Variants in NEDD9 observed in about 807,000 individuals in gnomAD.
The protein encoded by NEDD9 is enhancer of filamentation 1.
Under a neutral mutation model 76.6 loss-of-function variants are expected in NEDD9, and 26 were observed. The ratio of observed to expected loss-of-function variants is 0.34; its 90% CI spans 0.25 to 0.47. NEDD9 has a LOEUF of 0.47. Among genes scored for constraint, NEDD9 ranks in the 20% least tolerant of loss-of-function variants. The pLI, the probability that NEDD9 is intolerant of heterozygous loss-of-function variation, is 1.00. For missense variants in NEDD9, 937 were observed against 1,058.5 expected, an observed-to-expected ratio of 0.89 and a Z score of 1.59; for synonymous variants, 392 against 414.2, an observed-to-expected ratio of 0.95 and a Z score of 0.65.
chr6:11,189,930 G>T (rs780065792), intron 5 of NEDD9, 34 bp downstream of exon 5: 2 of 1,503,328 alleles, frequency 1.3e-6, no homozygotes, highest in Non-Finnish European at 1.8e-6. Flanking sequence ...GCATGTGAGT[G>T]AGTGTAGGTG....
intron 3 of NEDD9, among the ~76,000 whole-genome samples, chr6:11,246,931 GCTTCAGA>G (rs1488517181): frequency 6.6e-6 from 1 of 152,106 alleles, no homozygotes; most frequent in Admixed American, 6.5e-5. Flanking sequence ...TGGCTCCAGG[GCTTCAGA>G]CGACTGCCCT....
intron 1 of NEDD9, among the ~76,000 whole-genome samples, chr6:11,357,490 C>T (rs1010930750): frequency 1.7e-4 from 26 of 152,196 alleles, no homozygotes; most frequent in Admixed American, 1.3e-4. Flanking sequence ...GAGAAAGCCA[C>T]TGACCATTAT....
intron 1 of NEDD9, among the ~76,000 whole-genome samples, chr6:11,372,642 C>T (rs1455094314): frequency 2.0e-5 from 3 of 152,208 alleles, no homozygotes; most frequent in Non-Finnish European, 4.4e-5. Context: ...CTTTTCTTCA[C>T]ATCCTCAGTA....
At chr6:11,306,494 G>A (rs1396813142) in intron 2 of NEDD9, among the ~76,000 whole-genome samples, 2 of 152,198 alleles carry the variant, frequency 1.3e-5, no homozygotes, top group African/African-American at 2.4e-5. Context: ...TCAATCTTGG[G>A]TGGAGTCTTG....
chr6:11,204,786 A>T (rs1473385716), intron 2 of NEDD9, among the ~76,000 whole-genome samples: 1 of 151,768 alleles, frequency 6.6e-6, no homozygotes, highest in African/African-American at 2.4e-5. Context: ...TCTGTGTGGC[A>T]GAGAAAGCCA....
chr6:11,213,227 G>A lies in NEDD9; in HGVS notation c.459+54C>T. 6.7e-7 allele frequency: 1 copy of A among 1,487,418 alleles called. No homozygotes were observed. The highest frequency in any genetic ancestry group is 9.1e-7 in the Non-Finnish European group (1 of 1,100,120). The allele number at this position is 1,487,418 out of a possible 1,614,324, so 92.1% of individuals were successfully genotyped here. Reference sequence around the variant, plus strand: ...GGGAACATTTCCAAATGCTCCAAGTGTAATGGGAAAAAAAAATAAGTAGGA... The same window carrying A: ...GGGAACATTTCCAAATGCTCCAAGTATAATGGGAAAAAAAAATAAGTAGGA... On this transcript the variant is annotated intron_variant, in intron 2 of 6. Coordinates refer to ENST00000379446, the MANE Select transcript of NEDD9 (RefSeq NM_006403.4). The surrounding 1 kb of genome is among the most constrained non-coding windows in gnomAD (Gnocchi z 5.4).
chr6:11,204,778 T>C (rs10947019), intron 2 of NEDD9, among the ~76,000 whole-genome samples: 30,303 of 150,046 alleles, frequency 0.2, 3,386 homozygotes, highest in African/African-American at 0.25. Context: ...AAGACTTTTC[T>C]GTGTGGCAGA....
chr6:11,292,241 G>A (rs1256906265), intron 3 of NEDD9, among the ~76,000 whole-genome samples: 1 of 152,152 alleles, frequency 6.6e-6, no homozygotes, highest in African/African-American at 2.4e-5. Context: ...CACATGACCC[G>A]GTGTTAAATC....
At chr6:11,260,297 T>C (rs1442941240) in intron 3 of NEDD9, among the ~76,000 whole-genome samples, 1 of 152,134 alleles carries the variant, frequency 6.6e-6, no homozygotes, top group Non-Finnish European at 1.5e-5. Flanking sequence ...CACCAAAGAT[T>C]TCCTGTGATT....
intron 3 of NEDD9, among the ~76,000 whole-genome samples, chr6:11,247,324 C>T (rs1235171075): frequency 2.0e-5 from 3 of 152,182 alleles, no homozygotes; most frequent in Non-Finnish European, 4.4e-5. Flanking sequence ...ACACGGAGTC[C>T]TGGTGCCATT....
intron 1 of NEDD9, among the ~76,000 whole-genome samples, chr6:11,362,414 C>A (rs1762694629): frequency 6.6e-6 from 1 of 152,160 alleles, no homozygotes; most frequent in South Asian, 2.1e-4. Context: ...GTGTGTTCTG[C>A]CTCTTGCTTT....
intron 1 of NEDD9, among the ~76,000 whole-genome samples, chr6:11,341,794 AC>A (rs1762278356): frequency 1.3e-5 from 2 of 152,336 alleles, no homozygotes; most frequent in South Asian, 4.1e-4. Flanking sequence ...ATAAAAACCA[AC>A]AAAAACCATA....
chr6:11,231,662 T>C (rs1759470934), intron 1 of NEDD9, among the ~76,000 whole-genome samples: 1 of 152,192 alleles, frequency 6.6e-6, no homozygotes, highest in Non-Finnish European at 1.5e-5. Flanking sequence ...GCTTTCTTTG[T>C]GTCCCCTGGA....
intron 1 of NEDD9, among the ~76,000 whole-genome samples, chr6:11,227,948 C>G (rs1759353178): frequency 6.6e-6 from 1 of 151,870 alleles, no homozygotes; most frequent in South Asian, 2.1e-4. Flanking sequence ...CATGTAAACG[C>G]AAACAGAGAG....
intron 3 of NEDD9, chr6:11,305,468 C>T (rs777647788): frequency 4.8e-6 from 1 of 209,446 alleles, no homozygotes; most frequent in African/African-American, 2.3e-5. Flanking sequence ...ATCATTTCTT[C>T]TACTGAATTT....
chr6:11,191,085 C>G lies in NEDD9; in HGVS notation c.784G>C (p.Asp262His). ...RPDLRPEGVYDIPPTCTKPAG... is the reference protein window; with the variant it reads ...RPDLRPEGVYHIPPTCTKPAG... ...GGCTTGGTGCAGGTTGGAGGAATGT[C>G]ATAAACCCCCTCCGGTCTGAGGTCC... The change falls in exon 5 of 7, where the codon GAC (aspartate) becomes CAC (histidine). Residue 262 changes from aspartate to histidine, a missense_variant. By Grantham distance (81) the Asp-to-His change is moderately conservative. Coordinates refer to ENST00000379446, the MANE Select transcript of NEDD9 (RefSeq NM_006403.4). 6.2e-7 allele frequency: 1 copy of G among 1,613,956 alleles called. No individual in the cohort carries two copies. Among genetic ancestry groups the G allele is most frequent in the Non-Finnish European group, 8.5e-7 (1 of 1,180,004 alleles).
chr6:11,349,194 A>C (rs956006549), intron 1 of NEDD9, among the ~76,000 whole-genome samples: 13 of 152,222 alleles, frequency 8.5e-5, no homozygotes, highest in African/African-American at 3.1e-4. Flanking sequence ...ATCATTAGAG[A>C]AAGGCACATC....
At chr6:11,237,430 C>T (rs1581977119), upstream of NEDD9, among the ~76,000 whole-genome samples, 1 of 152,136 alleles carries the variant, frequency 6.6e-6, no homozygotes, top group East Asian at 1.9e-4. This position sits in a 1 kb window ranked among gnomAD's most constrained non-coding sequence, Gnocchi z 4.9. Flanking sequence ...ACATATTCCC[C>T]CGTGTGTTTG....
intron 2 of NEDD9, among the ~76,000 whole-genome samples, chr6:11,314,159 T>C (rs1262101952): frequency 1.3e-5 from 2 of 152,226 alleles, no homozygotes; most frequent in Non-Finnish European, 2.9e-5. Context: ...TTTAGAAGTA[T>C]GCTCACTGTC....
Sources: allele counts gnomAD v4.1 joint callset (sites outside exome capture counted in the v4.1 genomes callset), GRCh38; gene constraint gnomAD v4.1.1; non-coding constraint Gnocchi (gnomAD v3.1); transcripts MANE v1.5; gene names NCBI Gene and HGNC (gene_info 2026-07-23, HGNC 2026-07-21).